USP6NL: variants seen among roughly 807,000 people sequenced by gnomAD.
The protein encoded by USP6NL is USP6 N-terminal like.
A neutral mutation model predicts 61.9 loss-of-function variants in USP6NL; 26 were observed. The ratio of observed to expected loss-of-function variants is 0.42; its 90% CI spans 0.31 to 0.58. The LOEUF is 0.58. Ranked by LOEUF, USP6NL falls within the 20% of genes least tolerant of loss-of-function variation. The pLI is 0.16. For synonymous variants in USP6NL, 432 were observed against 390.1 expected (o/e 1.11, Z -1.27); for missense variants, 1,114 against 1,034.3 (o/e 1.08, Z -1.06).
In USP6NL at chr10:11,465,828, G is replaced by A. The variant is rs1832427431; in HGVS notation, c.1079-1979C>T. 1.3e-5 allele frequency among the ~76,000 whole-genome samples: 2 copies of A among 152,036 alleles called. No homozygotes were observed. The highest frequency in any genetic ancestry group is 4.8e-5 in the African/African-American group (2 of 41,378). The stretch of plus-strand genomic sequence containing the variant: ...GCTCTATATCCCCAATCTCAAAACT[G>A]GATTGTTTTAAATAAATTTTAGGGA... On this transcript the variant is annotated intron_variant, in intron 14 of 14. Coordinates refer to ENST00000609104, the MANE Select transcript of USP6NL (RefSeq NM_014688.5). This position sits in a 1 kb window ranked among gnomAD's most constrained non-coding sequence, Gnocchi z 4.5.
At position 11,493,026 on chromosome 10, in the gene USP6NL, C is replaced by A. The variant is rs144479511; in HGVS notation, c.494+93G>T. ...AAGCTTAAACCTTTAGGACCTAAAT[C>A]GAAATTACAGTCTATAAAGGCATTC... On this transcript the variant is annotated intron_variant, in intron 8 of 14. Coordinates refer to ENST00000609104, the MANE Select transcript of USP6NL (RefSeq NM_014688.5). 8.1e-5 allele frequency: 89 copies of A among 1,099,710 alleles called. No individual in the cohort carries two copies. In the African/African-American group the frequency reaches 1.1e-3, roughly 13 times the overall value. 68.1% of individuals were successfully genotyped at this position (1,099,710 alleles called of 1,614,324 possible). A position where few individuals can be genotyped will look rare whatever the true frequency, so the allele number is the denominator to read the frequency against.
intron 2 of USP6NL, among the ~76,000 whole-genome samples, chr10:11,566,874 G>A (rs952954865): frequency 2.0e-5 from 3 of 152,242 alleles, no homozygotes; most frequent in South Asian, 2.1e-4. Context: ...AACTTTGGGA[G>A]GCCAAGGCAG....
In USP6NL at chr10:11,493,202, A is replaced by G. The variant is rs557606948; in HGVS notation, c.411T>C (p.Cys137=). The part of the protein sequence containing the change: ...YSKLKHRARG[C]SPDIRQIDLD... ...GGTCTATTTGTCTGATGTCAGGTGA[A>G]CAGCCCCGTGCTCTGTGTTTTAATT... Residue 137 remains cysteine, a synonymous_variant, in exon 8 of 15, where the codon TGT becomes TGC. Transcript: ENST00000609104. The G allele has an allele frequency of 6.2e-7, 1 of 1,611,746 alleles. No individual in the cohort carries two copies. Among genetic ancestry groups the G allele is most frequent in the African/African-American group, 1.3e-5 (1 of 75,012 alleles).
rs193267116 is a variant in USP6NL, at chr10:11,503,109, C to G, written c.277-1901G>C. On this transcript the variant is annotated intron_variant, in intron 6 of 14. Coordinates refer to ENST00000609104, the MANE Select transcript of USP6NL (RefSeq NM_014688.5). Reference sequence around the variant, plus strand: ...TCCACAAAAAGTCACTTCAAATTATCTTCTAAATTTCTAGAGTAAAGATGT... The same window carrying G: ...TCCACAAAAAGTCACTTCAAATTATGTTCTAAATTTCTAGAGTAAAGATGT... Among the ~76,000 whole-genome samples the G allele has an allele frequency of 3.0e-3, 459 of 152,290 alleles. 1 individual carries two copies. Among genetic ancestry groups the G allele is most frequent in the African/African-American group, 0.01 (422 of 41,560 alleles).
In USP6NL at chr10:11,474,069, TGAGA is replaced by T. The variant is rs1358276614; in HGVS notation, c.1078+7697_1078+7700del. On this transcript the variant is annotated intron_variant, in intron 14 of 14. Transcript: ENST00000609104. The surrounding 1 kb of genome is among the most constrained non-coding windows in gnomAD (Gnocchi z 4.9). The stretch of plus-strand genomic sequence containing the variant: ...AGTTCCAGCTCATGCTTCAGCTGAC[TGAGA>T]AAGTACACCCCAAGTTTACCTGGGA... 6.6e-6 allele frequency among the ~76,000 whole-genome samples: 1 copy of T among 152,176 alleles called. No individual in the cohort carries two copies. Among genetic ancestry groups the T allele is most frequent in the Non-Finnish European group, 1.5e-5 (1 of 68,018 alleles).
intron 5 of USP6NL, among the ~76,000 whole-genome samples, chr10:11,516,101 A>T (rs1031582789): frequency 6.6e-6 from 1 of 152,232 alleles, no homozygotes; most frequent in Non-Finnish European, 1.5e-5. Context: ...TCTACAGAGT[A>T]AATATAATGT....
At chr10:11,569,415 T>C (rs1364435632) in intron 2 of USP6NL, among the ~76,000 whole-genome samples, 1 of 152,236 alleles carries the variant, frequency 6.6e-6, no homozygotes, top group Non-Finnish European at 1.5e-5. Context: ...AACAAATGTA[T>C]TGCAATTAAC....
chr10:11,508,944 C>T (rs963425066), intron 6 of USP6NL, among the ~76,000 whole-genome samples: 1 of 152,180 alleles, frequency 6.6e-6, no homozygotes, highest in Non-Finnish European at 1.5e-5. Flanking sequence ...TGATATTTGA[C>T]CTTTCAAATA....
intron 7 of USP6NL, 145 bp from the exon 8 acceptor site, chr10:11,493,373 A>C: frequency 1.5e-6 from 1 of 653,414 alleles, no homozygotes; most frequent in Non-Finnish European, 2.6e-6. Flanking sequence ...TATATACAAA[A>C]AGGTACACAA....
Position 11,463,158 on chromosome 10 carries a change from A to T in USP6NL, c.1770T>A (p.Ala590=), listed in dbSNP as rs1465680393. The change falls in exon 15 of 15, where the codon GCT becomes GCA. Residue 590 remains alanine (A), a synonymous_variant. Transcript: ENST00000609104. This position sits in a 1 kb window ranked among gnomAD's most constrained non-coding sequence, Gnocchi z 6.3. The part of the protein sequence containing the change: ...ALYPPSPRKH[A]EPSSSPSKVS... The stretch of plus-strand genomic sequence containing the variant: ...CTTTTGATGGACTAGAACTTGGCTC[A>T]GCGTGCTTTCTCGGGCTAGGAGGGT... 1.9e-6 allele frequency: 3 copies of T among 1,613,962 alleles called. No homozygotes were observed.
intron 2 of USP6NL, among the ~76,000 whole-genome samples, chr10:11,571,957 A>C (rs1837381894): frequency 6.6e-6 from 1 of 150,834 alleles, no homozygotes; most frequent in South Asian, 2.1e-4. Flanking sequence ...CTACTACTTT[A>C]ATATAATAAG....
chr10:11,546,433 G>A (rs1836273434), intron 2 of USP6NL, among the ~76,000 whole-genome samples: 1 of 152,082 alleles, frequency 6.6e-6, no homozygotes, highest in Non-Finnish European at 1.5e-5. Flanking sequence ...ACGGAGTCTT[G>A]ATCTGTCGCC....
intron 3 of USP6NL, among the ~76,000 whole-genome samples, chr10:11,527,287 A>C (rs887808455): frequency 6.6e-6 from 1 of 152,198 alleles, no homozygotes; most frequent in Non-Finnish European, 1.5e-5. Context: ...CTGAGGCAGG[A>C]GCAAGTCTGG....
chr10:11,601,109 C>T (rs1838512122), intron 1 of USP6NL, among the ~76,000 whole-genome samples: 1 of 152,072 alleles, frequency 6.6e-6, no homozygotes, highest in Non-Finnish European at 1.5e-5. Context: ...ACTGAAATTT[C>T]CATCAACAAA....
chr10:11,584,176 T>TGC (rs1463753258), intron 2 of USP6NL, among the ~76,000 whole-genome samples: 2 of 152,212 alleles, frequency 1.3e-5, no homozygotes, highest in African/African-American at 4.8e-5. Flanking sequence ...ACTACACTAC[T>TGC]GCACTCCAGC....
At chr10:11,480,470 AT>A (rs1833150631) in intron 14 of USP6NL, among the ~76,000 whole-genome samples, 1 of 152,282 alleles carries the variant, frequency 6.6e-6, no homozygotes, top group African/African-American at 2.4e-5. Context: ...ATAAATAAAA[AT>A]AAATGATAGT....
intron 2 of USP6NL, among the ~76,000 whole-genome samples, chr10:11,572,708 CA>C (rs1837407370): frequency 6.6e-6 from 1 of 151,974 alleles, no homozygotes; most frequent in Admixed American, 6.6e-5. Context: ...GTACACTTTT[CA>C]AATCATATAA....
At chr10:11,568,629 T>C (rs947430988) in intron 2 of USP6NL, among the ~76,000 whole-genome samples, 1 of 152,228 alleles carries the variant, frequency 6.6e-6, no homozygotes, top group African/African-American at 2.4e-5. Flanking sequence ...GAGAATCACT[T>C]TGACTACAAG....
intron 2 of USP6NL, chr10:11,573,356 G>C (rs1017007543): frequency 1.2e-5 from 4 of 321,550 alleles, no homozygotes; most frequent in African/African-American, 8.6e-5. Context: ...TATTACAGCA[G>C]CAATGCAATA....
Sources: gnomAD v4.1 joint callset for allele counts (sites outside exome capture counted in the v4.1 genomes callset) on GRCh38, gnomAD v4.1.1 for gene constraint, Gnocchi (gnomAD v3.1) non-coding constraint, MANE v1.5 for transcripts, NCBI Gene and HGNC (gene_info 2026-07-23, HGNC 2026-07-21) for gene names.